Variants in PHACTR2 observed in about 807,000 individuals in gnomAD.
PHACTR2 encodes the protein phosphatase and actin regulator 2.
PHACTR2 carries 30 observed loss-of-function variants against 76.0 expected under a neutral mutation model. The ratio of observed to expected loss-of-function variants is 0.39; its 90% CI spans 0.30 to 0.54. PHACTR2 has a LOEUF of 0.54. PHACTR2 is among the 20% of genes least tolerant of loss of function. The pLI, the probability that PHACTR2 is intolerant of heterozygous loss-of-function variation, is 0.61. For missense variants in PHACTR2, 696 were observed against 781.1 expected, an observed-to-expected ratio of 0.89 and a Z score of 1.30; for synonymous variants, 292 against 292.5, an observed-to-expected ratio of 1.00 and a Z score of 0.02.
At chr6:143,565,907 T>C (rs542988526) in intron 1 of PHACTR2, among the ~76,000 whole-genome samples, 3 of 152,156 alleles carry the variant, frequency 2.0e-5, no homozygotes, top group African/African-American at 7.2e-5. Context: ...TGAACTGACC[T>C]ACAGATAATT....
At chr6:143,572,014 A>G (rs1775451358) in intron 1 of PHACTR2, among the ~76,000 whole-genome samples, 1 of 152,314 alleles carries the variant, frequency 6.6e-6, no homozygotes, top group East Asian at 1.9e-4. Context: ...AGCATAGCCT[A>G]TTTTGATACA....
intron 1 of PHACTR2, among the ~76,000 whole-genome samples, chr6:143,631,618 A>T (rs1196173266): frequency 2.0e-5 from 3 of 152,170 alleles, no homozygotes; most frequent in African/African-American, 7.2e-5. Context: ...AATAGGGAAA[A>T]GACAAGGCCA....
intron 4 of PHACTR2, among the ~76,000 whole-genome samples, chr6:143,756,846 G>A (rs536000933): frequency 2.6e-5 from 4 of 152,284 alleles, no homozygotes; most frequent in African/African-American, 7.2e-5. Flanking sequence ...TCAGGAGTTC[G>A]ATACCAGCCT....
rs1205549293 is a variant in PHACTR2, at chr6:143,784,048, GA to G, written c.1707+775del. Among the ~76,000 whole-genome samples, 4 of 139,910 alleles carry G rather than the reference GA, an allele frequency of 2.9e-5. No homozygotes were observed. Among genetic ancestry groups the G allele is most frequent in the African/African-American group, 1.1e-4 (4 of 37,796 alleles). The allele number at this position is 139,910 out of a possible 152,430, so 91.8% of individuals were successfully genotyped here. Reference sequence around the variant, plus strand: ...TGATTAGAACAATGAAAAAAAAAAAGAAAAAAAGAAGTGAAAAAAGTTTTTA... The same window carrying G: ...TGATTAGAACAATGAAAAAAAAAAAGAAAAAAGAAGTGAAAAAAGTTTTTA... On this transcript the variant is annotated intron_variant, in intron 10 of 12. Coordinates refer to ENST00000440869, the MANE Select transcript of PHACTR2 (RefSeq NM_001100164.2). The surrounding 1 kb of genome is among the most constrained non-coding windows in gnomAD (Gnocchi z 4.5).
In PHACTR2 at chr6:143,823,608, T is replaced by C; in HGVS notation, c.1923-66T>C. 7.7e-7 allele frequency: 1 copy of C among 1,292,694 alleles called. No homozygotes were observed. Among genetic ancestry groups the C allele is most frequent in the Non-Finnish European group, 1.1e-6 (1 of 889,184 alleles). 80.1% of individuals were successfully genotyped at this position (1,292,694 alleles called of 1,614,324 possible). Reference sequence around the variant, plus strand: ...TCATTGTAAACATGACCACGCCTTATTCAGCTCACTGCATGCAGAATGTGC... The same window carrying C: ...TCATTGTAAACATGACCACGCCTTACTCAGCTCACTGCATGCAGAATGTGC... On this transcript the variant is annotated intron_variant, in intron 12 of 12. Transcript: ENST00000440869. The surrounding 1 kb of genome is among the most constrained non-coding windows in gnomAD (Gnocchi z 5.7).
chr6:143,677,943 T>A, upstream of PHACTR2: 2 of 1,049,358 alleles, frequency 1.9e-6, no homozygotes, highest in East Asian at 1.1e-4. Flanking sequence ...CCCCAGCTAA[T>A]CTGCATAGAG....
chr6:143,668,207 G>T (rs1178375205), intron 1 of PHACTR2, among the ~76,000 whole-genome samples: 2 of 152,154 alleles, frequency 1.3e-5, no homozygotes, highest in East Asian at 3.9e-4. Context: ...AACCAGCCTT[G>T]CATCCCACGG....
rs529807587 is a variant in PHACTR2, at chr6:143,621,778, C to A, written c.13+13456C>A. On this transcript the variant is annotated intron_variant, in intron 1 of 11. Coordinates refer to the PHACTR2 transcript ENST00000305766. This position sits in a 1 kb window ranked among gnomAD's most constrained non-coding sequence, Gnocchi z 4.1. ...GTAACATAGATTCATTTTGCACCTA[C>A]GTGGACTTTAAATCTTTGCGAACAG... 6.6e-6 allele frequency among the ~76,000 whole-genome samples: 1 copy of A among 152,162 alleles called. No individual in the cohort carries two copies. Among genetic ancestry groups the A allele is most frequent in the Non-Finnish European group, 1.5e-5 (1 of 68,030 alleles).
At position 143,742,062 on chromosome 6, in the gene PHACTR2, G is replaced by A. The variant is rs185454245; in HGVS notation, c.215-6923G>A. On this transcript the variant is annotated intron_variant, in intron 2 of 12. Transcript: ENST00000440869. The surrounding 1 kb of genome is among the most constrained non-coding windows in gnomAD (Gnocchi z 4.5). ...GGAGGTTGCAGTGAGCTGGGATCGC[G>A]CCACTGCACTGCAGCCTGGGTGACA... Among the ~76,000 whole-genome samples, 7 of 151,722 alleles carry A rather than the reference G, an allele frequency of 4.6e-5. No individual in the cohort carries two copies. The highest frequency in any genetic ancestry group is 3.3e-4 in the Admixed American group (5 of 15,246).
At chr6:143,719,455 T>C (rs535683963) in intron 2 of PHACTR2, among the ~76,000 whole-genome samples, 1 of 147,602 alleles carries the variant, frequency 6.8e-6, no homozygotes, top group East Asian at 2.1e-4. Flanking sequence ...GTTCAAGCAA[T>C]TCTCCTGCCT....
Position 143,633,072 on chromosome 6 carries a change from G to GC in PHACTR2, c.13+24750_13+24751insC, listed in dbSNP as rs1360689880. 6.6e-6 allele frequency among the ~76,000 whole-genome samples: 1 copy of GC among 152,200 alleles called. No individual in the cohort carries two copies. Among genetic ancestry groups the GC allele is most frequent in the Non-Finnish European group, 1.5e-5 (1 of 68,038 alleles). On this transcript the variant is annotated intron_variant, in intron 1 of 11. Coordinates refer to the PHACTR2 transcript ENST00000305766. The surrounding 1 kb of genome is among the most constrained non-coding windows in gnomAD (Gnocchi z 4.1). Reference sequence around the variant, plus strand: ...ATGAATGAAGCTGCTATAAACATCTGTGTGCAGGGCTTTTTGCTGACATAA... The same window carrying GC: ...ATGAATGAAGCTGCTATAAACATCTGCTGTGCAGGGCTTTTTGCTGACATAA...
Position 143,625,056 on chromosome 6 carries a change from T to C in PHACTR2, c.13+16734T>C, listed in dbSNP as rs1776230992. ...CTGTAATCCTAGCTACAGGGGAGGC[T>C]GAGGCAGGAGAATTGCTTGAACCCG... On this transcript the variant is annotated intron_variant, in intron 1 of 11. Coordinates refer to the PHACTR2 transcript ENST00000305766. The surrounding 1 kb of genome is among the most constrained non-coding windows in gnomAD (Gnocchi z 4.3). Among the ~76,000 whole-genome samples the C allele has an allele frequency of 6.6e-6, 1 of 151,926 alleles. No homozygotes were observed. Among genetic ancestry groups the C allele is most frequent in the Admixed American group, 6.6e-5 (1 of 15,254 alleles).
intron 10 of PHACTR2, among the ~76,000 whole-genome samples, chr6:143,786,643 A>G (rs555064508): frequency 1.6e-3 from 251 of 152,220 alleles, no homozygotes; most frequent in Non-Finnish European, 2.6e-3. Flanking sequence ...ACAGTTCCAC[A>G]TGGCTGGGGA....
rs1372207609 is a variant in PHACTR2 at position 143,583,041 on chromosome 6, T to A, written c.217+45834T>A. Among the ~76,000 whole-genome samples, 2 of 152,244 alleles carry A rather than the reference T, an allele frequency of 1.3e-5. No homozygotes were observed. Among genetic ancestry groups the A allele is most frequent in the African/African-American group, 4.8e-5 (2 of 41,472 alleles). Reference sequence around the variant, plus strand: ...TCACATACTTTAATTAGAAACATCATAATGAGTCTTTCTATTTTGGATATG... The same window carrying A: ...TCACATACTTTAATTAGAAACATCAAAATGAGTCTTTCTATTTTGGATATG... On this transcript the variant is annotated intron_variant, in intron 1 of 11. Transcript: ENST00000367584. This position sits in a 1 kb window ranked among gnomAD's most constrained non-coding sequence, Gnocchi z 4.0.
chr6:143,592,520 A>G lies in PHACTR2; in HGVS notation c.217+55313A>G, dbSNP rs1361251017. 6.6e-6 allele frequency among the ~76,000 whole-genome samples: 1 copy of G among 152,116 alleles called. No homozygotes were observed. Among genetic ancestry groups the G allele is most frequent in the African/African-American group, 2.4e-5 (1 of 41,418 alleles). On this transcript the variant is annotated intron_variant, in intron 1 of 11. Transcript: ENST00000367584. The surrounding 1 kb of genome is among the most constrained non-coding windows in gnomAD (Gnocchi z 4.0). Reference sequence around the variant, plus strand: ...TTGTACTCCAGGGGGCGCTATTCACATCGACTAATACTCTATAGGGGCCAT... The same window carrying G: ...TTGTACTCCAGGGGGCGCTATTCACGTCGACTAATACTCTATAGGGGCCAT...
intron 1 of PHACTR2, among the ~76,000 whole-genome samples, chr6:143,651,744 G>A (rs1222447186): frequency 1.3e-5 from 2 of 151,990 alleles, no homozygotes; most frequent in Admixed American, 1.3e-4. Flanking sequence ...AATAGATGCT[G>A]GGCTTAATAT....
chr6:143,555,403 A>C (rs921857189), intron 1 of PHACTR2, among the ~76,000 whole-genome samples: 3 of 152,176 alleles, frequency 2.0e-5, no homozygotes, highest in African/African-American at 7.2e-5. Flanking sequence ...TTGGAGCCAA[A>C]AACCTTATCA....
Position 143,824,778 on chromosome 6 carries a change from TA to T in PHACTR2, c.*1102del, listed in dbSNP as rs573139254. The stretch of plus-strand genomic sequence containing the variant: ...TTTTTAAAGTTGGATTGCTGCTATT[TA>T]AAAAAAAAAAAAGGACACAGATCAA... On this transcript the variant is annotated 3_prime_UTR_variant, in exon 13 of 13. Coordinates refer to ENST00000440869, the MANE Select transcript of PHACTR2 (RefSeq NM_001100164.2). The surrounding 1 kb of genome is among the most constrained non-coding windows in gnomAD (Gnocchi z 6.3). The T allele has an allele frequency of 8.1e-3, 1,136 of 140,846 alleles. 5 individuals are homozygous for T. Among genetic ancestry groups the T allele is most frequent in the African/African-American group, 0.02 (752 of 38,420 alleles). 8.7% of individuals were successfully genotyped at this position (140,846 alleles called of 1,614,324 possible).
intron 1 of PHACTR2, among the ~76,000 whole-genome samples, chr6:143,704,718 T>C (rs1211511908): frequency 6.6e-6 from 1 of 152,230 alleles, no homozygotes; most frequent in Non-Finnish European, 1.5e-5. Context: ...TTTTTTTTGT[T>C]CCAGGATGCA....
Sources: allele counts gnomAD v4.1 joint callset (sites outside exome capture counted in the v4.1 genomes callset), GRCh38; gene constraint gnomAD v4.1.1; non-coding constraint Gnocchi (gnomAD v3.1); transcripts MANE v1.5; gene names NCBI Gene and HGNC (gene_info 2026-07-23, HGNC 2026-07-21).